The following CARF variants were observed in gnomAD, a reference collection of about 807,000 sequenced individuals.
The protein encoded by CARF is calcium-responsive transcription factor.
Under a neutral mutation model 82.0 loss-of-function variants are expected in CARF, and 57 were observed. The observed-to-expected ratio is 0.70, with a 90% CI of 0.56 to 0.87. The LOEUF (loss-of-function observed/expected upper bound fraction) is 0.87. Ranked by LOEUF, CARF falls within the 40% of genes least tolerant of loss-of-function variation. The probability of loss-of-function intolerance (pLI) is 0.00; values close to 1 mark genes in which losing one functional copy is unlikely to be tolerated. For synonymous variants in CARF, 268 were observed against 290.1 expected, an observed-to-expected ratio of 0.92 and a Z score of 0.77; for missense variants, 771 against 855.8, an observed-to-expected ratio of 0.90 and a Z score of 1.24.
Position 202,983,735 on chromosome 2 carries a change from G to T in CARF, c.*111G>T. 1 of 702,626 alleles carries T rather than the reference G, an allele frequency of 1.4e-6. No individual in the cohort carries two copies. The highest frequency in any genetic ancestry group is 2.5e-6 in the Non-Finnish European group (1 of 403,890). 43.5% of individuals were successfully genotyped at this position (702,626 alleles called of 1,614,324 possible). The stretch of plus-strand genomic sequence containing the variant: ...AGATAATTGGACTGAAGACCAGTTT[G>T]ATGAGAAGCTTTTATTTAAAACTGA... On this transcript the variant is annotated 3_prime_UTR_variant, in exon 17 of 17. Transcript: ENST00000438828.
intron 9 of CARF, among the ~76,000 whole-genome samples, chr2:202,964,823 A>T (rs1000198006): frequency 4.0e-5 from 6 of 150,478 alleles, no homozygotes; most frequent in Non-Finnish European, 5.9e-5. Flanking sequence ...TATATGGTGT[A>T]TACTAAAGTA....
intron 14 of CARF, among the ~76,000 whole-genome samples, chr2:202,977,771 C>G (rs1559281582): frequency 6.6e-6 from 1 of 152,140 alleles, no homozygotes; most frequent in Admixed American, 6.6e-5. Flanking sequence ...GCATGGCAAA[C>G]TCCTCTTAGT....
intron 3 of CARF, among the ~76,000 whole-genome samples, chr2:202,940,670 C>T (rs1265232209): frequency 6.6e-6 from 1 of 152,140 alleles, no homozygotes; most frequent in African/African-American, 2.4e-5. Context: ...TTATCCTTAT[C>T]TTGGGAATTT....
At chr2:202,961,708 A>G in intron 9 of CARF, 1 of 452,694 alleles carries the variant, frequency 2.2e-6, no homozygotes, top group South Asian at 4.5e-5. Flanking sequence ...AAAATGTTAA[A>G]AGAGCAATTT....
intron 3 of CARF, among the ~76,000 whole-genome samples, chr2:202,939,999 A>C (rs1255137684): frequency 6.6e-6 from 1 of 151,686 alleles, no homozygotes; most frequent in Non-Finnish European, 1.5e-5. Context: ...CCATTGACCT[A>C]GTTTCAGCAG....
intron 3 of CARF, among the ~76,000 whole-genome samples, chr2:202,936,239 T>C (rs2105780956): frequency 6.6e-6 from 1 of 152,344 alleles, no homozygotes; most frequent in Non-Finnish European, 1.5e-5. Context: ...CACATGCATA[T>C]ATATGTACAC....
At chr2:202,952,432 T>C in intron 5 of CARF, 127 bp from the exon 6 acceptor site, 2 of 903,868 alleles carry the variant, frequency 2.2e-6, no homozygotes, top group South Asian at 4.9e-5. Context: ...TTTTCATCTA[T>C]AAAATGGGGG....
intron 7 of CARF, among the ~76,000 whole-genome samples, chr2:202,955,014 GAAA>G (rs778781065): frequency 7.3e-6 from 1 of 137,462 alleles, no homozygotes; most frequent in African/African-American, 2.7e-5. Flanking sequence ...ACGCTGTCTC[GAAA>G]AAAAAAAAAA....
At chr2:202,921,409 C>T (rs1042810828) in intron 2 of CARF, among the ~76,000 whole-genome samples, 3 of 152,138 alleles carry the variant, frequency 2.0e-5, no homozygotes, top group Non-Finnish European at 4.4e-5. Context: ...TAAATTAAAT[C>T]TCTATATTCA....
At chr2:202,975,060 C>G (rs2059969386) in intron 13 of CARF, among the ~76,000 whole-genome samples, 1 of 152,174 alleles carries the variant, frequency 6.6e-6, no homozygotes, top group Non-Finnish European at 1.5e-5. Context: ...CCTGTAATCC[C>G]AGCACTGTGG....
chr2:202,919,203 A>G (rs1262958692), intron 2 of CARF, among the ~76,000 whole-genome samples: 1 of 152,202 alleles, frequency 6.6e-6, no homozygotes, highest in East Asian at 1.9e-4. Context: ...CTCGTTTTAA[A>G]GGAAGAAATC....
At chr2:202,923,115 C>G (rs961257651) in intron 2 of CARF, among the ~76,000 whole-genome samples, 1 of 152,012 alleles carries the variant, frequency 6.6e-6, no homozygotes, top group East Asian at 1.9e-4. Flanking sequence ...GTGGTGCATG[C>G]CTGTAATCCC....
At chr2:202,922,318 T>C (rs910167916) in intron 2 of CARF, among the ~76,000 whole-genome samples, 1 of 152,098 alleles carries the variant, frequency 6.6e-6, no homozygotes, top group African/African-American at 2.4e-5. Flanking sequence ...GGTCTCACTA[T>C]GTCAGCCAGG....
chr2:202,915,333 T>G (rs183216286), intron 1 of CARF, among the ~76,000 whole-genome samples: 1 of 151,760 alleles, frequency 6.6e-6, no homozygotes, highest in Non-Finnish European at 1.5e-5. Flanking sequence ...TCTTGCTCTG[T>G]TGCCCAGGCT....
chr2:202,980,616 GTATATATATATATATATA>G lies in CARF; in HGVS notation c.1559-910_1559-893del, dbSNP rs34656288. ...GAGTTACAGATATAGCGTCTTTCAA[GTATATATATATATATATA>G]TATATATATATATATATATATATAT... On this transcript the variant is annotated intron_variant, in intron 14 of 16. Coordinates refer to ENST00000438828, the MANE Select transcript of CARF (RefSeq NM_024744.17). 3.5e-3 allele frequency among the ~76,000 whole-genome samples: 150 copies of G among 42,670 alleles called. 7 individuals are homozygous for G. The highest frequency in any genetic ancestry group is 0.012 in the South Asian group (14 of 1,178). 28.0% of individuals were successfully genotyped at this position (42,670 alleles called of 152,430 possible).
chr2:202,949,684 G>A (rs143395833), intron 5 of CARF, among the ~76,000 whole-genome samples: 75 of 151,772 alleles, frequency 4.9e-4, no homozygotes, highest in African/African-American at 1.7e-3. Context: ...CCGAGTAGCT[G>A]GGATTGCAGG....
At chr2:202,916,241 C>T (rs1206919673) in intron 1 of CARF, among the ~76,000 whole-genome samples, 3 of 151,706 alleles carry the variant, frequency 2.0e-5, no homozygotes, top group Non-Finnish European at 4.4e-5. Flanking sequence ...AGTGCCGTGG[C>T]ACAATCTTGG....
At chr2:202,951,901 C>T (rs991259809) in intron 5 of CARF, among the ~76,000 whole-genome samples, 2 of 151,164 alleles carry the variant, frequency 1.3e-5, no homozygotes, top group South Asian at 2.1e-4. Flanking sequence ...GGCGCGATCT[C>T]GGCTCACTGC....
At chr2:202,949,657 T>C (rs904636528) in intron 5 of CARF, among the ~76,000 whole-genome samples, 1 of 151,418 alleles carries the variant, frequency 6.6e-6, no homozygotes. Context: ...TTCAAGCGAT[T>C]TTCCTGCCTC....
Sources: allele counts gnomAD v4.1 joint callset (sites outside exome capture counted in the v4.1 genomes callset), GRCh38; gene constraint gnomAD v4.1.1; transcripts MANE v1.5; gene names NCBI Gene and HGNC (gene_info 2026-07-23, HGNC 2026-07-21).